CCM2: variants seen among roughly 807,000 people sequenced by gnomAD.
The protein encoded by CCM2 is CCM2 scaffold protein, also known as cerebral cavernous malformations 2 protein.
A neutral mutation model predicts 44.9 loss-of-function variants in CCM2; 25 were observed. That is an observed-to-expected ratio of 0.56 (90% CI 0.41 to 0.78). The LOEUF is 0.78. CCM2 is among the 30% of genes least tolerant of loss of function. CCM2 has a pLI of 0.00. For missense variants in CCM2, 481 were observed against 580.6 expected, an observed-to-expected ratio of 0.83 and a Z score of 1.76; for synonymous variants, 219 against 241.1, an observed-to-expected ratio of 0.91 and a Z score of 0.85.
chr7:45,001,472 A>G (rs866283083), intron 1 of CCM2, among the ~76,000 whole-genome samples: 4 of 152,272 alleles, frequency 2.6e-5, no homozygotes, highest in Non-Finnish European at 5.9e-5. Context: ...GGAGCCAAGC[A>G]GTGTAAAAGG....
rs772492249 is a variant in CCM2 at position 45,068,598 on chromosome 7, A to G, written c.609+19A>G. 20 of 1,613,294 alleles carry G rather than the reference A, an allele frequency of 1.2e-5. No individual in the cohort carries two copies. Among genetic ancestry groups the G allele is most frequent in the Non-Finnish European group, 1.7e-5 (20 of 1,179,946 alleles). The stretch of plus-strand genomic sequence containing the variant: ...GAGCAAGGTGAGACTTTCTCGCCCC[A>G]CTTACTCAGAACTGGCTCCTCCCAG... On this transcript the variant is annotated intron_variant, in intron 5 of 9. Transcript: ENST00000258781.
At chr7:45,043,861 A>G (rs1797629067) in intron 2 of CCM2, 4 of 264,164 alleles carry the variant, frequency 1.5e-5, no homozygotes, top group South Asian at 1.4e-4. Context: ...TATTCATTCA[A>G]CCCTGAATTA....
At position 45,027,779 on chromosome 7, in the gene CCM2, G is replaced by T; in HGVS notation, c.31-10474G>T. 8.1e-6 allele frequency: 13 copies of T among 1,614,178 alleles called. No individual in the cohort carries two copies. Among genetic ancestry groups the T allele is most frequent in the Non-Finnish European group, 1.1e-5 (13 of 1,180,030 alleles). ...TTCCTCAAACAGAATTTCACACAGG[G>T]TATTCCATGGAGAATGAGGTAGGTG... On this transcript the variant is annotated intron_variant, in intron 1 of 9. Transcript: ENST00000258781.
At position 45,064,597 on chromosome 7, in the gene CCM2, C is replaced by T. The variant is rs368864599; in HGVS notation, c.423C>T (p.Ala141=). The change falls in exon 4 of 10, where the codon GCC becomes GCT. Residue 141 remains alanine, a synonymous_variant. Transcript: ENST00000258781. The part of the protein sequence containing the change: ...ILRVPIHDIA[A]VSYVRDDAAH... The stretch of plus-strand genomic sequence containing the variant: ...GGGTGCCCATCCATGACATCGCCGC[C>T]GTCTCCTATGTTCGGGATGACGCTG... The T allele has an allele frequency of 1.1e-5, 18 of 1,613,876 alleles. No homozygotes were observed. The highest frequency in any genetic ancestry group is 2.2e-5 in the East Asian group (1 of 44,898).
chr7:45,030,265 T>C (rs1796897605), intron 1 of CCM2, among the ~76,000 whole-genome samples: 1 of 152,226 alleles, frequency 6.6e-6, no homozygotes. Context: ...TTAGTGGTGA[T>C]GAACAGGCAT....
chr7:45,038,538 G>T, intron 2 of CCM2, 112 bp downstream of exon 2: 1 of 1,065,814 alleles, frequency 9.4e-7, no homozygotes, highest in South Asian at 1.3e-5. Flanking sequence ...CACCTTAGTA[G>T]TTGATTATCC....
chr7:45,010,532 G>T (rs1324354402), intron 1 of CCM2, among the ~76,000 whole-genome samples: 1 of 152,018 alleles, frequency 6.6e-6, no homozygotes, highest in Non-Finnish European at 1.5e-5. Context: ...ATATTTTGTT[G>T]TATGTTTATG....
At chr7:45,062,763 G>A (rs1317646742) in intron 2 of CCM2, among the ~76,000 whole-genome samples, 1 of 150,906 alleles carries the variant, frequency 6.6e-6, no homozygotes, top group Non-Finnish European at 1.5e-5. Flanking sequence ...GGAGGCAGAG[G>A]TTGCAGTGAG....
At chr7:45,039,208 A>AAGATG (rs1346427482) in intron 2 of CCM2, among the ~76,000 whole-genome samples, 1 of 152,208 alleles carries the variant, frequency 6.6e-6, no homozygotes, top group Non-Finnish European at 1.5e-5. Flanking sequence ...GGGGCTTTGG[A>AAGATG]CGTGCAGAAA....
In CCM2 at chr7:45,000,795, C is replaced by T. The variant is rs1795581658; in HGVS notation, c.30+432C>T. 2.0e-5 allele frequency among the ~76,000 whole-genome samples: 3 copies of T among 152,202 alleles called. No homozygotes were observed. In the South Asian group the frequency reaches 6.2e-4, roughly 31 times the overall value. ...GGTGGCCTTCACCTTATGGCCAGCT[C>T]ACTCGTCCACTATCACTCAGACCTA... On this transcript the variant is annotated intron_variant, in intron 1 of 9. Coordinates refer to ENST00000258781, the MANE Select transcript of CCM2 (RefSeq NM_031443.4).
intron 7 of CCM2, 39 bp downstream of exon 7, chr7:45,072,822 C>G: frequency 6.5e-7 from 1 of 1,547,444 alleles, no homozygotes. Flanking sequence ...GTGGGACACG[C>G]ACCAAATGCG....
chr7:45,068,122 C>T (rs1798872612), intron 4 of CCM2: 2 of 419,634 alleles, frequency 4.8e-6, no homozygotes, highest in South Asian at 2.1e-5. Flanking sequence ...AAGGGAACTC[C>T]CCAGAACACA....
intron 1 of CCM2, among the ~76,000 whole-genome samples, chr7:45,023,799 T>G (rs564693284): frequency 0.48 from 39,131 of 81,570 alleles, 9,075 homozygotes; most frequent in East Asian, 0.7. Flanking sequence ...TTTTTTTTTT[T>G]TTTTTTTTTT....
At chr7:45,044,214 A>G (rs1232614971) in intron 2 of CCM2, among the ~76,000 whole-genome samples, 1 of 152,150 alleles carries the variant, frequency 6.6e-6, no homozygotes, top group Non-Finnish European at 1.5e-5. Context: ...GCTCACTGCA[A>G]GCTCCGCCTC....
chr7:45,003,893 G>C (rs1562851870), intron 1 of CCM2, among the ~76,000 whole-genome samples: 1 of 152,142 alleles, frequency 6.6e-6, no homozygotes, highest in Non-Finnish European at 1.5e-5. Flanking sequence ...GTAGAAAAAG[G>C]TTATAGGTTG....
chr7:45,051,775 A>G (rs1179517050), intron 2 of CCM2, among the ~76,000 whole-genome samples: 1 of 152,000 alleles, frequency 6.6e-6, no homozygotes, highest in Non-Finnish European at 1.5e-5. Context: ...GTTAGCCAGG[A>G]TGGTCTCGAT....
chr7:45,073,085 G>T (rs768358690), intron 7 of CCM2: 3 of 587,178 alleles, frequency 5.1e-6, no homozygotes, highest in Non-Finnish European at 9.2e-6. Flanking sequence ...CTGCCGAGGC[G>T]CTGGCCTTCC....
chr7:45,020,594 G>A (rs528585696), intron 1 of CCM2, among the ~76,000 whole-genome samples: 1 of 152,170 alleles, frequency 6.6e-6, no homozygotes, highest in African/African-American at 2.4e-5. Context: ...AAATGCACTT[G>A]CTGGGAAACA....
chr7:45,021,572 A>T (rs140494445), intron 1 of CCM2, among the ~76,000 whole-genome samples: 2 of 150,990 alleles, frequency 1.3e-5, no homozygotes, highest in South Asian at 2.1e-4. Context: ...TCAAAAAAAA[A>T]AAATAAAATA....
Sources: allele counts gnomAD v4.1 joint callset (sites outside exome capture counted in the v4.1 genomes callset), GRCh38; gene constraint gnomAD v4.1.1; transcripts MANE v1.5; gene names NCBI Gene and HGNC (gene_info 2026-07-23, HGNC 2026-07-21).